The following TSPOAP1 variants were observed in gnomAD, a reference collection of about 807,000 sequenced individuals.
TSPOAP1 encodes peripheral-type benzodiazepine receptor-associated protein 1.
Under a neutral mutation model 197.0 loss-of-function variants are expected in TSPOAP1, and 87 were observed. The observed-to-expected ratio is 0.44, with a 90% CI of 0.37 to 0.53. The LOEUF (loss-of-function observed/expected upper bound fraction) is 0.53. Among genes scored for constraint, TSPOAP1 ranks in the 20% least tolerant of loss-of-function variants. TSPOAP1 has a pLI of 0.00. For missense variants in TSPOAP1, 2,174 were observed against 2,411.3 expected (o/e 0.90, Z 2.06); for synonymous variants, 913 against 998.9 (o/e 0.91, Z 1.62).
At chr17:58,307,108 C>G (rs1970922029) in intron 24 of TSPOAP1, 140 bp from the exon 25 acceptor site, 1 of 877,664 alleles carries the variant, frequency 1.1e-6, no homozygotes, top group African/African-American at 1.7e-5. Flanking sequence ...AGGGGGAAAA[C>G]AGCAAAGAAC....
Position 58,310,344 on chromosome 17 carries a change from G to T in TSPOAP1, c.3699+168C>A, listed in dbSNP as rs543696921. On this transcript the variant is annotated intron_variant, in intron 20 of 31. Coordinates refer to ENST00000343736, the MANE Select transcript of TSPOAP1 (RefSeq NM_004758.4). ...GGGAGAAGGGAGATGGGAGCCACAT[G>T]GGACAGAGAAATCCTAGAAGAAAAA... Among the ~76,000 whole-genome samples, 10 of 152,334 alleles carry T rather than the reference G, an allele frequency of 6.6e-5. No homozygotes were observed. The South Asian group carries it at 1.4e-3, about 22-fold the overall frequency.
chr17:58,317,635 G>C (rs1260375034), intron 14 of TSPOAP1, among the ~76,000 whole-genome samples: 2 of 152,168 alleles, frequency 1.3e-5, no homozygotes, highest in Non-Finnish European at 2.9e-5. Context: ...AGCTGCTTCT[G>C]ACCTGCCTCC....
In TSPOAP1 at chr17:58,310,867, GA is replaced by G; in HGVS notation, c.3427del (p.Ser1143ProfsTer86). 6.5e-7 allele frequency: 1 copy of G among 1,538,640 alleles called. No homozygotes were observed. The highest frequency in any genetic ancestry group is 8.7e-7 in the Non-Finnish European group (1 of 1,146,004). On this transcript the variant is annotated frameshift_variant, in exon 19 of 32. Coordinates refer to ENST00000343736, the MANE Select transcript of TSPOAP1 (RefSeq NM_004758.4). LOFTEE classifies it high-confidence loss of function. Reference sequence around the variant, plus strand: ...GCAAGGTGCTGGAGGGTCCTCGTGGGACCCTTTTGCCATCTCTCTGGAAGGG... The same window carrying G: ...GCAAGGTGCTGGAGGGTCCTCGTGGGCCCTTTTGCCATCTCTCTGGAAGGG... The part of the protein sequence containing the change: ...ASPSREMAKG[S>X]HEDPPAPCSQ...
chr17:58,304,984 C>T lies in TSPOAP1; in HGVS notation c.5544+77G>A. The T allele has an allele frequency of 8.8e-7, 1 of 1,138,280 alleles. No individual in the cohort carries two copies. The highest frequency in any genetic ancestry group is 1.3e-6 in the Non-Finnish European group (1 of 746,558). The allele number at this position is 1,138,280 out of a possible 1,614,324, so 70.5% of individuals were successfully genotyped here. A position where few individuals can be genotyped will look rare whatever the true frequency, so the allele number is the denominator to read the frequency against. ...GACCACCCCAGCTGCACCCCTGCCG[C>T]AACACTGCCCTGGCCCTACCACCCC... On this transcript the variant is annotated intron_variant, in intron 30 of 31. Coordinates refer to ENST00000343736, the MANE Select transcript of TSPOAP1 (RefSeq NM_004758.4). This position sits in a 1 kb window ranked among gnomAD's most constrained non-coding sequence, Gnocchi z 4.2.
rs766719855 is a variant in TSPOAP1, at chr17:58,312,438, G to A, written c.2383C>T (p.Arg795Cys). The A allele has an allele frequency of 1.7e-5, 27 of 1,613,022 alleles. No individual in the cohort carries two copies. The highest frequency in any genetic ancestry group is 6.7e-5 in the East Asian group (3 of 44,876). ...AGCTGCTTGAGGACCACCAGACGGCGGGGGTAAGGCACGGCAGGAGGCTCG... is the reference window on the plus strand; with the variant it reads ...AGCTGCTTGAGGACCACCAGACGGCAGGGGTAAGGCACGGCAGGAGGCTCG... Reference protein sequence around the residue: ...LGEPPAVPYPRRLVVLKQLAH... With the variant: ...LGEPPAVPYPCRLVVLKQLAH... Residue 795 changes from arginine (R) to cysteine (C), a missense_variant, in exon 17 of 32, where the codon CGC becomes TGC. Arg to Cys is a radical substitution (Grantham distance 180). Transcript: ENST00000343736.
At chr17:58,310,772 G>A in intron 19 of TSPOAP1, 21 bp from the exon 20 acceptor site, 1 of 1,604,320 alleles carries the variant, frequency 6.2e-7, no homozygotes, top group Non-Finnish European at 8.5e-7. Context: ...GAGCACTGAG[G>A]AAGGACCCAA....
intron 27 of TSPOAP1, 70 bp from the exon 28 acceptor site, chr17:58,305,713 G>T: frequency 7.0e-7 from 1 of 1,429,358 alleles, no homozygotes; most frequent in Non-Finnish European, 9.7e-7. Flanking sequence ...CTTCTGCCCC[G>T]GACCCCTGCT....
At position 58,302,211 on chromosome 17, in the gene TSPOAP1, A is replaced by G; in HGVS notation, c.*269T>C. ...AGTCTGAGCCTTCCCTGCTCAGCAGAGACAGTGATCTGGGGGCCTCTCAGG... is the reference window on the plus strand; with the variant it reads ...AGTCTGAGCCTTCCCTGCTCAGCAGGGACAGTGATCTGGGGGCCTCTCAGG... On this transcript the variant is annotated 3_prime_UTR_variant, in exon 32 of 32. Transcript: ENST00000343736. 2.3e-6 allele frequency: 3 copies of G among 1,276,820 alleles called. No individual in the cohort carries two copies. Among genetic ancestry groups the G allele is most frequent in the Non-Finnish European group, 3.1e-6 (3 of 980,368 alleles). 79.1% of individuals were successfully genotyped at this position (1,276,820 alleles called of 1,614,324 possible).
rs764758679 is a variant in TSPOAP1, at chr17:58,309,029, G to A, written c.4243C>T (p.Pro1415Ser). ...TCTGGAGGCCGCCTGCGGCTTGGGG[G>A]CTTCTCAGGGGAGCCCCCTCCTCTC... Reference protein sequence around the residue: ...RRRGGGSPEKPPSRRRPPDPR... With the variant: ...RRRGGGSPEKSPSRRRPPDPR... Residue 1415 changes from proline to serine, a missense_variant, in exon 22 of 32, where the codon CCC becomes TCC. Transcript: ENST00000343736. This position sits in a 1 kb window ranked among gnomAD's most constrained non-coding sequence, Gnocchi z 5.0. 6.2e-7 allele frequency: 1 copy of A among 1,611,566 alleles called. No homozygotes were observed. The highest frequency in any genetic ancestry group is 8.5e-7 in the Non-Finnish European group (1 of 1,179,622).
intron 12 of TSPOAP1, 133 bp downstream of exon 12, chr17:58,319,976 T>G: frequency 8.3e-7 from 1 of 1,208,644 alleles, no homozygotes; most frequent in Non-Finnish European, 1.2e-6. Context: ...CTCCACCCCC[T>G]ATGGATTCTC....
intron 16 of TSPOAP1, among the ~76,000 whole-genome samples, chr17:58,314,423 G>T (rs756944437): frequency 4.6e-5 from 7 of 152,168 alleles, no homozygotes; most frequent in Non-Finnish European, 8.8e-5. Flanking sequence ...ATCCGGGTGG[G>T]TCCTAAATCT....
chr17:58,318,424 C>T lies in TSPOAP1; in HGVS notation c.1728G>A (p.Gly576=), dbSNP rs1224046367. The change falls in exon 14 of 32, where the codon GGG becomes GGA. Residue 576 remains glycine, a synonymous_variant. Transcript: ENST00000343736. ...KDLDLPPGSP[G]RCTPKSSEPA... ...GCTCGGAAGACTTTGGGGTGCAGCG[C>T]CCAGGGGAGCCCGGCGGGAGGTCAA... is the stretch of plus-strand genomic sequence containing the variant. The T allele has an allele frequency of 6.2e-7, 1 of 1,613,540 alleles. No homozygotes were observed. The highest frequency in any genetic ancestry group is 8.5e-7 in the Non-Finnish European group (1 of 1,179,898).
rs1288911780 is a variant in TSPOAP1 at position 58,323,042 on chromosome 17, G to A, written c.1105-3C>T. ...TGCGCTTGTCTCAGCTGCAGTTCCT[G>A]AGCGGGCAGAGGAGCTCTCAGGAGG... is the stretch of plus-strand genomic sequence containing the variant. On this transcript the variant is annotated splice_region_variant and splice_polypyrimidine_tract_variant and intron_variant, in intron 7 of 31. Coordinates refer to ENST00000343736, the MANE Select transcript of TSPOAP1 (RefSeq NM_004758.4). 5 of 1,604,212 alleles carry A rather than the reference G, an allele frequency of 3.1e-6. No homozygotes were observed. The highest frequency in any genetic ancestry group is 2.2e-5 in the East Asian group (1 of 44,462).
rs1363813997 is a variant in TSPOAP1 at position 58,309,217 on chromosome 17, C to T, written c.4055G>A (p.Cys1352Tyr). 4 of 1,614,048 alleles carry T rather than the reference C, an allele frequency of 2.5e-6. No individual in the cohort carries two copies. Among genetic ancestry groups the T allele is most frequent in the Non-Finnish European group, 3.4e-6 (4 of 1,180,008 alleles). Residue 1352 changes from cysteine (C) to tyrosine (Y), a missense_variant, in exon 22 of 32, where the codon TGT (cysteine) becomes TAT (tyrosine). This residue lies in a region of TSPOAP1 where 1,933 missense variants were observed against 2,139.0 expected (regional missense o/e 0.90). Transcript: ENST00000343736. The surrounding 1 kb of genome is among the most constrained non-coding windows in gnomAD (Gnocchi z 5.0). ...DEEEEKSGAG[C>Y]SSRDPGPPEP... ...AGGCGGGCCAGGGTCTCGGGAAGAA[C>T]AGCCTGCCCCTGACTTCTCCTCCTC... is the stretch of plus-strand genomic sequence containing the variant.
Position 58,327,628 on chromosome 17 carries a change from C to A in TSPOAP1, c.293G>T (p.Cys98Phe), listed in dbSNP as rs150827764. ...GQQASSSGPA[C>F]QRPEDEEVEA... ...CACTTCCTCATCCTCTGGCCTCTGG[C>A]AGGCGGGTCCAGAGCTGGATGCTTG... The change falls in exon 1 of 32, where the codon TGC (cysteine) becomes TTC (phenylalanine). Residue 98 changes from cysteine to phenylalanine, a missense_variant. Around this residue, in one of 5 missense-constraint regions of TSPOAP1, gnomAD observed 1,933 missense variants for 2,139.0 expected, o/e 0.90. Transcript: ENST00000343736. 53 of 1,613,384 alleles carry A rather than the reference C, an allele frequency of 3.3e-5. No homozygotes were observed. The highest frequency in any genetic ancestry group is 4.3e-5 in the Non-Finnish European group (51 of 1,179,992).
Position 58,322,548 on chromosome 17 carries a change from A to C in TSPOAP1, c.1317+106T>G. ...AGGAAACTGAGCCTGGAGCAGCTCC[A>C]GGCCCAGGCCTCAGAGCTAGTGCCC... is the stretch of plus-strand genomic sequence containing the variant. On this transcript the variant is annotated intron_variant, in intron 9 of 31. Coordinates refer to ENST00000343736, the MANE Select transcript of TSPOAP1 (RefSeq NM_004758.4). The surrounding 1 kb of genome is among the most constrained non-coding windows in gnomAD (Gnocchi z 5.0). The C allele has an allele frequency of 1.3e-6, 2 of 1,559,498 alleles. No individual in the cohort carries two copies. The highest frequency in any genetic ancestry group is 1.7e-6 in the Non-Finnish European group (2 of 1,154,184).
chr17:58,306,270 G>C lies in TSPOAP1; in HGVS notation c.5224+72C>G, dbSNP rs1970887712. 3.5e-6 allele frequency: 5 copies of C among 1,414,814 alleles called. No individual in the cohort carries two copies. The Middle Eastern group carries it at 7.1e-4, about 202-fold the overall frequency. The allele number at this position is 1,414,814 out of a possible 1,614,324, so 87.6% of individuals were successfully genotyped here. A position where few individuals can be genotyped will look rare whatever the true frequency, so the allele number is the denominator to read the frequency against. On this transcript the variant is annotated intron_variant, in intron 26 of 31. Transcript: ENST00000343736. ...TCCTCCCAGCACCTGAGAGAAAACA[G>C]ACAGCCAAGCAGCGCCACCCCACCG...
chr17:58,313,141 A>C (rs751826408), intron 16 of TSPOAP1, among the ~76,000 whole-genome samples: 1 of 152,226 alleles, frequency 6.6e-6, no homozygotes, highest in Non-Finnish European at 1.5e-5. Context: ...TAATGCTTTT[A>C]AAATCATGTT....
intron 5 of TSPOAP1, among the ~76,000 whole-genome samples, chr17:58,323,999 G>A (rs1567850583): frequency 6.6e-6 from 1 of 152,138 alleles, no homozygotes; most frequent in Non-Finnish European, 1.5e-5. Context: ...CTAGAGCAGC[G>A]CAAGTCCAGC....
Sources: allele counts gnomAD v4.1 joint callset (sites outside exome capture counted in the v4.1 genomes callset), GRCh38; gene constraint gnomAD v4.1.1; regional missense constraint gnomAD v4.1.1; non-coding constraint Gnocchi (gnomAD v3.1); transcripts MANE v1.5; gene names NCBI Gene and HGNC (gene_info 2026-07-23, HGNC 2026-07-21).